The following BCAS3 variants were observed in gnomAD, a reference collection of about 807,000 sequenced individuals.
BCAS3 encodes the protein BCAS4/BCAS3 fusion.
A neutral mutation model predicts 116.1 loss-of-function variants in BCAS3; 53 were observed. That is an observed-to-expected ratio of 0.46 (90% CI 0.37 to 0.57). The LOEUF (loss-of-function observed/expected upper bound fraction) is 0.57. Ranked by LOEUF, BCAS3 falls within the 20% of genes least tolerant of loss-of-function variation. The pLI is 0.00. For synonymous variants in BCAS3, 391 were observed against 408.2 expected (o/e 0.96, Z 0.51); for missense variants, 917 against 1,165.4 (o/e 0.79, Z 3.10).
intron 19 of BCAS3, among the ~76,000 whole-genome samples, chr17:61,044,465 A>AAAAAATATATAT: frequency 8.3e-6 from 1 of 120,124 alleles, no homozygotes; most frequent in African/African-American, 5.0e-5. Flanking sequence ...AAAAAAAAAA[A>AAAAAATATATAT]ATATATATAT....
At position 61,249,183 on chromosome 17, in the gene BCAS3, A is replaced by T. The variant is rs975851211; in HGVS notation, c.2426-119144A>T. On this transcript the variant is annotated intron_variant, in intron 22 of 23. Coordinates refer to ENST00000407086, the MANE Select transcript of BCAS3 (RefSeq NM_017679.5). This position sits in a 1 kb window ranked among gnomAD's most constrained non-coding sequence, Gnocchi z 6.2. ...GTGCCTGTAATCCCAGCTACTCGGG[A>T]GGCTGAGGCAGGAGAATCACTTGAA... is the stretch of plus-strand genomic sequence containing the variant. Among the ~76,000 whole-genome samples, 2 of 152,162 alleles carry T rather than the reference A, an allele frequency of 1.3e-5. No individual in the cohort carries two copies. The highest frequency in any genetic ancestry group is 4.8e-5 in the African/African-American group (2 of 41,424).
At chr17:61,221,100 A>G (rs2082084870) in intron 22 of BCAS3, among the ~76,000 whole-genome samples, 1 of 152,338 alleles carries the variant, frequency 6.6e-6, no homozygotes, top group South Asian at 2.1e-4. Flanking sequence ...CTCCGTCTCA[A>G]AAACAAAAAG....
At chr17:61,257,377 C>T (rs1439945598) in intron 22 of BCAS3, among the ~76,000 whole-genome samples, 1 of 138,526 alleles carries the variant, frequency 7.2e-6, no homozygotes, top group South Asian at 2.4e-4. Flanking sequence ...GCCTTGATCA[C>T]ACCACTGCAC....
chr17:61,154,082 C>T (rs1199793056), intron 22 of BCAS3, among the ~76,000 whole-genome samples: 1 of 152,186 alleles, frequency 6.6e-6, no homozygotes, highest in East Asian at 1.9e-4. Flanking sequence ...CCCCCCACTG[C>T]CACTTTGTTC....
At chr17:60,775,942 T>G (rs1309843884) in intron 6 of BCAS3, among the ~76,000 whole-genome samples, 2 of 152,214 alleles carry the variant, frequency 1.3e-5, no homozygotes, top group Admixed American at 6.5e-5. Flanking sequence ...GGTCTAATTC[T>G]TTGTACTCAG....
intron 13 of BCAS3, among the ~76,000 whole-genome samples, chr17:60,925,313 T>TTTTG (rs962514378): frequency 3.3e-5 from 5 of 152,126 alleles, no homozygotes; most frequent in Non-Finnish European, 7.4e-5. Context: ...GCTAAGGAGT[T>TTTTG]TTTGTTTGTT....
At position 61,249,992 on chromosome 17, in the gene BCAS3, T is replaced by C. The variant is rs757571689; in HGVS notation, c.2426-118335T>C. ...GCTTAAAGAGGATCAGAAAACAAGA[T>C]ACCAAATAAGAGCAGCCATTGTAAA... On this transcript the variant is annotated intron_variant, in intron 22 of 23. Coordinates refer to ENST00000407086, the MANE Select transcript of BCAS3 (RefSeq NM_017679.5). The surrounding 1 kb of genome is among the most constrained non-coding windows in gnomAD (Gnocchi z 6.2). Among the ~76,000 whole-genome samples, 94 of 152,222 alleles carry C rather than the reference T, an allele frequency of 6.2e-4. No individual in the cohort carries two copies. Among genetic ancestry groups the C allele is most frequent in the East Asian group, 2.9e-3 (15 of 5,178 alleles).
intron 7 of BCAS3, among the ~76,000 whole-genome samples, chr17:60,828,873 C>A (rs2050664984): frequency 6.6e-6 from 1 of 152,116 alleles, no homozygotes; most frequent in Non-Finnish European, 1.5e-5. Context: ...TGATTTTGAT[C>A]CCCAAGGGAT....
At chr17:60,926,056 T>C (rs2059352671) in intron 13 of BCAS3, among the ~76,000 whole-genome samples, 1 of 152,196 alleles carries the variant, frequency 6.6e-6, no homozygotes, top group African/African-American at 2.4e-5. Context: ...AGGTCAGGTG[T>C]GGATTCTCCA....
chr17:61,126,262 G>C lies in BCAS3; in HGVS notation c.2425+41698G>C, dbSNP rs562515740. Among the ~76,000 whole-genome samples the C allele has an allele frequency of 1.2e-4, 19 of 152,226 alleles. No individual in the cohort carries two copies. The highest frequency in any genetic ancestry group is 2.6e-4 in the Non-Finnish European group (18 of 68,002). ...TGCGTTGTGGCATGTGGGTACATCA[G>C]AAGTATATTTGCAAATTCTGAATTT... On this transcript the variant is annotated intron_variant, in intron 22 of 23. Transcript: ENST00000407086. This position sits in a 1 kb window ranked among gnomAD's most constrained non-coding sequence, Gnocchi z 4.6.
chr17:60,700,808 C>A (rs1484866900), intron 4 of BCAS3, among the ~76,000 whole-genome samples: 3 of 152,112 alleles, frequency 2.0e-5, no homozygotes, highest in Non-Finnish European at 4.4e-5. Context: ...TTGGATTGAA[C>A]AACTTAGAGA....
chr17:61,045,966 AT>A (rs1404052607), intron 19 of BCAS3, among the ~76,000 whole-genome samples: 25 of 8,964 alleles, frequency 2.8e-3, no homozygotes, highest in African/African-American at 0.018. Flanking sequence ...TATATATATA[AT>A]ATATATATAT....
chr17:61,078,746 A>T (rs2072265640), intron 21 of BCAS3, among the ~76,000 whole-genome samples: 1 of 152,156 alleles, frequency 6.6e-6, no homozygotes, highest in Admixed American at 6.5e-5. Context: ...TTCAGATTAT[A>T]TTCTCCCTAA....
chr17:60,844,094 C>G (rs952558247), intron 7 of BCAS3, among the ~76,000 whole-genome samples: 1 of 152,100 alleles, frequency 6.6e-6, no homozygotes, highest in African/African-American at 2.4e-5. Flanking sequence ...CTCAGCCTCC[C>G]GAGTAGCTGG....
chr17:61,055,167 A>G (rs563327401), intron 19 of BCAS3, among the ~76,000 whole-genome samples: 75 of 152,290 alleles, frequency 4.9e-4, no homozygotes, highest in African/African-American at 1.7e-3. Flanking sequence ...ACCTGCAGTA[A>G]TGTAATGGGT....
Position 60,947,245 on chromosome 17 carries a change from C to G in BCAS3, c.1114C>G (p.Leu372Val), listed in dbSNP as rs1490352048. 1 of 1,612,948 alleles carries G rather than the reference C, an allele frequency of 6.2e-7. No individual in the cohort carries two copies. The highest frequency in any genetic ancestry group is 8.5e-7 in the Non-Finnish European group (1 of 1,179,110). ...AATGCTTCTAGTCACAACAGACACC[C>G]TTGGCCATGACTTTCATGTCTTCCA... is the stretch of plus-strand genomic sequence containing the variant. ...SGMLLVTTDT[L>V]GHDFHVFQIL... The change falls in exon 14 of 24, where the codon CTT (leucine) becomes GTT (valine). Residue 372 changes from leucine to valine, a missense_variant. Physicochemically the swap from Leu to Val is conservative, Grantham distance 32 (BLOSUM62 1). This residue lies in a region of BCAS3 where 807 missense variants were observed against 1,026.0 expected (regional missense o/e 0.79). Coordinates refer to ENST00000407086, the MANE Select transcript of BCAS3 (RefSeq NM_017679.5).
intron 5 of BCAS3, among the ~76,000 whole-genome samples, chr17:60,718,308 A>T (rs1362903519): frequency 6.6e-6 from 1 of 151,980 alleles, no homozygotes; most frequent in Non-Finnish European, 1.5e-5. Flanking sequence ...AGGGGTTCAT[A>T]CAGCTGCCTA....
At position 61,278,405 on chromosome 17, in the gene BCAS3, GCTCACATGAT is replaced by G. The variant is rs1359220988; in HGVS notation, c.2426-89920_2426-89911del. ...TCCCAGGCTTATCTCAAACTCCTGG[GCTCACATGAT>G]CCACCCACCTTGGCCTCCCACAGTG... On this transcript the variant is annotated intron_variant, in intron 22 of 23. Transcript: ENST00000407086. This position sits in a 1 kb window ranked among gnomAD's most constrained non-coding sequence, Gnocchi z 5.8. 6.6e-6 allele frequency among the ~76,000 whole-genome samples: 1 copy of G among 152,108 alleles called. No homozygotes were observed. Among genetic ancestry groups the G allele is most frequent in the East Asian group, 1.9e-4 (1 of 5,192 alleles).
chr17:60,918,779 G>C (rs146586844), intron 12 of BCAS3, among the ~76,000 whole-genome samples: 1 of 148,118 alleles, frequency 6.8e-6, no homozygotes, highest in African/African-American at 2.5e-5. Flanking sequence ...TGCAAGCTCC[G>C]CATCCCGGGT....
Sources: gnomAD v4.1 joint callset for allele counts (sites outside exome capture counted in the v4.1 genomes callset) on GRCh38, gnomAD v4.1.1 for gene constraint, gnomAD v4.1.1 regional missense constraint, Gnocchi (gnomAD v3.1) non-coding constraint, MANE v1.5 for transcripts, NCBI Gene and HGNC (gene_info 2026-07-23, HGNC 2026-07-21) for gene names.